Variants in GRIK3 observed in about 807,000 individuals in gnomAD.
The protein encoded by GRIK3 is glutamate ionotropic receptor kainate type subunit 3, also known as glutamate receptor ionotropic, kainate 3.
In GRIK3, 29 loss-of-function variants were observed where a neutral mutation model predicts 102.5. The observed-to-expected ratio is 0.28, with a 90% CI of 0.21 to 0.39. The LOEUF is 0.39. GRIK3 is among the 10% of genes least tolerant of loss of function. The pLI, the probability that GRIK3 is intolerant of heterozygous loss-of-function variation, is 1.00. For synonymous variants in GRIK3, 511 were observed against 504.9 expected (o/e 1.01, Z -0.16); for missense variants, 908 against 1,252.4 (o/e 0.73, Z 4.15).
rs1308821767 is a variant in GRIK3, at chr1:36,869,679, T to G, written c.786+69A>C. On this transcript the variant is annotated intron_variant, in intron 5 of 15. Coordinates refer to ENST00000373091, the MANE Select transcript of GRIK3 (RefSeq NM_000831.4). ...TTGTCTTCAGTGGGCTGGCCCAGGC[T>G]AAGCCACAATGAACTTGATCCATGA... 15 of 1,221,916 alleles carry G rather than the reference T, an allele frequency of 1.2e-5. No homozygotes were observed. In the Admixed American group the frequency reaches 2.4e-4, roughly 19 times the overall value. 75.7% of individuals were successfully genotyped at this position (1,221,916 alleles called of 1,614,324 possible). A position where few individuals can be genotyped will look rare whatever the true frequency, so the allele number is the denominator to read the frequency against.
intron 7 of GRIK3, among the ~76,000 whole-genome samples, chr1:36,856,291 A>G (rs1286019034): frequency 6.6e-6 from 1 of 152,210 alleles, no homozygotes; most frequent in Non-Finnish European, 1.5e-5. Flanking sequence ...CTACAGAGGT[A>G]TAAAATGCCA....
rs892390309 is a variant in GRIK3 at position 36,872,486 on chromosome 1, C to T, written c.551-117G>A. ...ATGGCCACAGGTCTGCAGACATACA[C>T]GGGCAGAAACGTGGCCCACAGAGAC... On this transcript the variant is annotated intron_variant, in intron 3 of 15. Transcript: ENST00000373091. This position sits in a 1 kb window ranked among gnomAD's most constrained non-coding sequence, Gnocchi z 5.9. The T allele has an allele frequency of 3.9e-5, 29 of 748,834 alleles. No homozygotes were observed. Among genetic ancestry groups the T allele is most frequent in the Non-Finnish European group, 5.2e-5 (25 of 477,318 alleles). The allele number at this position is 748,834 out of a possible 1,614,324, so 46.4% of individuals were successfully genotyped here.
intron 1 of GRIK3, among the ~76,000 whole-genome samples, chr1:36,917,171 A>T (rs1047749267): frequency 6.6e-6 from 1 of 152,220 alleles, no homozygotes; most frequent in Non-Finnish European, 1.5e-5. Flanking sequence ...TCAGACTTGC[A>T]TGGGGCCTGT....
At chr1:36,829,288 C>T (rs1642788781) in intron 10 of GRIK3, among the ~76,000 whole-genome samples, 1 of 152,220 alleles carries the variant, frequency 6.6e-6, no homozygotes, top group Non-Finnish European at 1.5e-5. Flanking sequence ...GCTCTTCCCA[C>T]TTGTGCAAGT....
At chr1:36,998,734 C>G (rs750152565) in intron 1 of GRIK3, among the ~76,000 whole-genome samples, 3 of 152,174 alleles carry the variant, frequency 2.0e-5, no homozygotes, top group Non-Finnish European at 4.4e-5. Context: ...TTGCTCTTCC[C>G]AGGGTCCCAT....
At chr1:36,916,706 A>G (rs1254929692) in intron 1 of GRIK3, among the ~76,000 whole-genome samples, 1 of 152,196 alleles carries the variant, frequency 6.6e-6, no homozygotes, top group African/African-American at 2.4e-5. Context: ...GCAGGTGCCC[A>G]AAAGTCAAGA....
At chr1:36,894,556 G>T (rs1229545108) in intron 1 of GRIK3, among the ~76,000 whole-genome samples, 1 of 152,206 alleles carries the variant, frequency 6.6e-6, no homozygotes, top group Non-Finnish European at 1.5e-5. Flanking sequence ...ACTCTTCTTA[G>T]ATCTGTAAGA....
At chr1:36,996,259 T>A (rs1266963495) in intron 1 of GRIK3, among the ~76,000 whole-genome samples, 1 of 152,210 alleles carries the variant, frequency 6.6e-6, no homozygotes, top group African/African-American at 2.4e-5. Flanking sequence ...TCTTCACCCA[T>A]AAAATCACAC....
In GRIK3 at chr1:36,840,109, G is replaced by A. The variant is rs1045371055; in HGVS notation, c.1530+1627C>T. 6.6e-5 allele frequency among the ~76,000 whole-genome samples: 10 copies of A among 152,278 alleles called. No homozygotes were observed. In the East Asian group the frequency reaches 1.2e-3, roughly 18 times the overall value. ...CTGGAACACAGGGCTACGAGGCAGG[G>A]AGGCTCCAAATTCTGGCTCCACCAC... On this transcript the variant is annotated intron_variant, in intron 10 of 15. Coordinates refer to ENST00000373091, the MANE Select transcript of GRIK3 (RefSeq NM_000831.4).
chr1:36,917,362 A>C (rs1641413109), intron 1 of GRIK3, among the ~76,000 whole-genome samples: 1 of 152,198 alleles, frequency 6.6e-6, no homozygotes. Flanking sequence ...TAATGCTGAA[A>C]TCAGTTAAAA....
In GRIK3 at chr1:36,824,415, C is replaced by T. The variant is rs1642731132; in HGVS notation, c.1754+1188G>A. On this transcript the variant is annotated intron_variant, in intron 11 of 15. Coordinates refer to ENST00000373091, the MANE Select transcript of GRIK3 (RefSeq NM_000831.4). ...CAGGCTCAGCGGCTGCTGCGCCCACCAGGCAGGGTGGCCATGGCAGCTTCA... is the reference window on the plus strand; with the variant it reads ...CAGGCTCAGCGGCTGCTGCGCCCACTAGGCAGGGTGGCCATGGCAGCTTCA... Among the ~76,000 whole-genome samples, 2 of 152,172 alleles carry T rather than the reference C, an allele frequency of 1.3e-5. 1 individual carries two copies. The highest frequency in any genetic ancestry group is 4.8e-5 in the African/African-American group (2 of 41,444).
chr1:37,005,470 A>G (rs1014248373), intron 1 of GRIK3, among the ~76,000 whole-genome samples: 2 of 152,252 alleles, frequency 1.3e-5, no homozygotes, highest in African/African-American at 4.8e-5. Context: ...AAAAGCAGAC[A>G]CAATCCCCAG....
chr1:36,956,295 T>C (rs1436911690), intron 1 of GRIK3, among the ~76,000 whole-genome samples: 2 of 152,188 alleles, frequency 1.3e-5, no homozygotes, highest in Non-Finnish European at 2.9e-5. Context: ...GGCTGGGGAC[T>C]GGGCCAAGGT....
intron 1 of GRIK3, among the ~76,000 whole-genome samples, chr1:36,912,355 G>A (rs964481393): frequency 1.3e-5 from 2 of 152,032 alleles, no homozygotes; most frequent in African/African-American, 2.4e-5. Context: ...CAGCTTCCTC[G>A]CCCCTTGCAG....
chr1:36,936,583 G>T (rs756240), intron 1 of GRIK3, among the ~76,000 whole-genome samples: 1 of 152,006 alleles, frequency 6.6e-6, no homozygotes, highest in Non-Finnish European at 1.5e-5. Flanking sequence ...TCCTGCCCCT[G>T]ACCCACCCCA....
intron 1 of GRIK3, among the ~76,000 whole-genome samples, chr1:36,905,231 A>G (rs1300225728): frequency 1.3e-5 from 2 of 152,192 alleles, no homozygotes; most frequent in Non-Finnish European, 2.9e-5. Flanking sequence ...AGAGGACATA[A>G]AAGAAGTCTT....
intron 1 of GRIK3, among the ~76,000 whole-genome samples, chr1:36,988,414 G>A (rs1300409235): frequency 6.6e-6 from 1 of 152,244 alleles, no homozygotes; most frequent in Non-Finnish European, 1.5e-5. Flanking sequence ...CCCATCTCTG[G>A]GGCAGCAGGA....
In GRIK3 at chr1:37,034,492, C is replaced by G. The variant is rs556303438; in HGVS notation, c.-384G>C. Reference sequence around the variant, plus strand: ...CGGCCGCTCCTCCTCCAGCCGCCGCCGATGCTATCGCCCGGGCTCGCACAA... The same window carrying G: ...CGGCCGCTCCTCCTCCAGCCGCCGCGGATGCTATCGCCCGGGCTCGCACAA... On this transcript the variant is annotated 5_prime_UTR_variant, in exon 1 of 16. Coordinates refer to ENST00000373091, the MANE Select transcript of GRIK3 (RefSeq NM_000831.4). 1.1e-4 allele frequency among the ~76,000 whole-genome samples: 17 copies of G among 151,970 alleles called. No individual in the cohort carries two copies. The highest frequency in any genetic ancestry group is 2.6e-4 in the Admixed American group (4 of 15,292).
rs149471618 is a variant in GRIK3, at chr1:37,023,545, G to A, written c.115+10449C>T. On this transcript the variant is annotated intron_variant, in intron 1 of 15. Coordinates refer to ENST00000373091, the MANE Select transcript of GRIK3 (RefSeq NM_000831.4). Reference sequence around the variant, plus strand: ...GGCATAAGGAAGCCAGTGGAATTCTGAAGCTCGTTAAAGTGTAGGATAGTG... The same window carrying A: ...GGCATAAGGAAGCCAGTGGAATTCTAAAGCTCGTTAAAGTGTAGGATAGTG... Among the ~76,000 whole-genome samples the A allele has an allele frequency of 8.3e-3, 1,260 of 152,266 alleles. 11 individuals are homozygous for A. Among genetic ancestry groups the A allele is most frequent in the Middle Eastern group, 0.017 (5 of 294 alleles).
Sources: allele counts gnomAD v4.1 joint callset (sites outside exome capture counted in the v4.1 genomes callset), GRCh38; gene constraint gnomAD v4.1.1; non-coding constraint Gnocchi (gnomAD v3.1); transcripts MANE v1.5; gene names NCBI Gene and HGNC (gene_info 2026-07-23, HGNC 2026-07-21).